The following SNX13 variants were observed in gnomAD, a reference collection of about 807,000 sequenced individuals.
SNX13 encodes the protein sorting nexin-13.
In SNX13, 45 loss-of-function variants were observed where a neutral mutation model predicts 133.6. The ratio of observed to expected loss-of-function variants is 0.34; its 90% CI spans 0.27 to 0.43. The LOEUF (loss-of-function observed/expected upper bound fraction) is 0.43, where lower values mean the gene tolerates loss of function less well. SNX13 is among the 20% of genes least tolerant of loss of function. The probability of loss-of-function intolerance (pLI) is 1.00; values close to 1 mark genes in which losing one functional copy is unlikely to be tolerated. For synonymous variants in SNX13, 414 were observed against 373.9 expected (o/e 1.11, Z -1.24); for missense variants, 1,032 against 1,145.1 (o/e 0.90, Z 1.43).
At chr7:17,862,426 A>G (rs914434218) in intron 9 of SNX13, among the ~76,000 whole-genome samples, 3 of 152,186 alleles carry the variant, frequency 2.0e-5, no homozygotes, top group African/African-American at 7.2e-5. Context: ...ATCCATACTC[A>G]TTGCAAGTGA....
chr7:17,857,032 ACAAT>A (rs1232096735), intron 9 of SNX13, among the ~76,000 whole-genome samples: 2 of 152,064 alleles, frequency 1.3e-5, no homozygotes, highest in Non-Finnish European at 2.9e-5. Flanking sequence ...CAAAAAAAAT[ACAAT>A]CAGAGATGAA....
At chr7:17,912,517 T>A (rs1799094548) in intron 1 of SNX13, among the ~76,000 whole-genome samples, 1 of 151,978 alleles carries the variant, frequency 6.6e-6, no homozygotes, top group Admixed American at 6.6e-5. Context: ...TTCAAGTGAT[T>A]CTCCTGCCTC....
At chr7:17,862,961 T>C (rs931045557) in intron 9 of SNX13, among the ~76,000 whole-genome samples, 3 of 152,104 alleles carry the variant, frequency 2.0e-5, no homozygotes, top group African/African-American at 4.8e-5. Context: ...GACAGTCTCG[T>C]ATTGCCTCCA....
In SNX13 at chr7:17,805,250, T is replaced by TGTGTGTGTGTGTGTGTGCGC; in HGVS notation, c.2065-1671_2065-1670insGCGCACACACACACACACAC. Among the ~76,000 whole-genome samples the TGTGTGTGTGTGTGTGTGCGC allele has an allele frequency of 2.4e-3, 232 of 95,546 alleles. 1 individual carries two copies. Among genetic ancestry groups the TGTGTGTGTGTGTGTGTGCGC allele is most frequent in the Middle Eastern group, 0.015 (3 of 206 alleles). The allele number at this position is 95,546 out of a possible 152,430, so 62.7% of individuals were successfully genotyped here. On this transcript the variant is annotated intron_variant, in intron 20 of 25. Coordinates refer to ENST00000428135, the MANE Select transcript of SNX13 (RefSeq NM_015132.5). Reference sequence around the variant, plus strand: ...GTGTGTGTGTGTGTGTGTGTGTGTGTGCGTGCGCGCGCGCGCATGCATGCA... The same window carrying TGTGTGTGTGTGTGTGTGCGC: ...GTGTGTGTGTGTGTGTGTGTGTGTGTGTGTGTGTGTGTGTGTGCGCGCGTGCGCGCGCGCGCATGCATGCA...
intron 7 of SNX13, among the ~76,000 whole-genome samples, chr7:17,875,265 G>T (rs192950679): frequency 6.6e-6 from 1 of 152,102 alleles, no homozygotes; most frequent in African/African-American, 2.4e-5. Flanking sequence ...ACTGCACCCA[G>T]CCAGGACCAG....
chr7:17,859,861 T>G (rs1792422981), intron 9 of SNX13, among the ~76,000 whole-genome samples: 1 of 152,180 alleles, frequency 6.6e-6, no homozygotes, highest in Non-Finnish European at 1.5e-5. Context: ...GAATAATATT[T>G]TACTGTATGT....
chr7:17,832,534 A>C (rs753826610), intron 15 of SNX13: 18 of 958,946 alleles, frequency 1.9e-5, no homozygotes, highest in Non-Finnish European at 2.2e-5. Context: ...ATAAACAACA[A>C]AAACTTTTAT....
In SNX13 at chr7:17,834,195, T is replaced by C. The variant is rs564530989; in HGVS notation, c.1465-11A>G. 3.9e-6 allele frequency: 6 copies of C among 1,541,344 alleles called. No homozygotes were observed. The Admixed American group carries it at 7.5e-5, about 19-fold the overall frequency. On this transcript the variant is annotated splice_polypyrimidine_tract_variant and intron_variant, in intron 14 of 25. Coordinates refer to ENST00000428135, the MANE Select transcript of SNX13 (RefSeq NM_015132.5). Reference sequence around the variant, plus strand: ...CATCAATTCATATACCTTGGTGAAATAAATCAAGATATTCAACAATTAATA... The same window carrying C: ...CATCAATTCATATACCTTGGTGAAACAAATCAAGATATTCAACAATTAATA...
intron 1 of SNX13, chr7:17,897,976 C>T (rs888059465): frequency 2.0e-5 from 3 of 151,670 alleles, no homozygotes; most frequent in East Asian, 1.9e-4. Flanking sequence ...ACTCAAATTA[C>T]GTATAGAAAC....
At chr7:17,934,257 C>G (rs558833066) in intron 1 of SNX13, among the ~76,000 whole-genome samples, 2 of 152,252 alleles carry the variant, frequency 1.3e-5, no homozygotes, top group African/African-American at 4.8e-5. Context: ...TTCCAGATTA[C>G]AATCAATTGA....
chr7:17,799,600 T>C (rs956882145), intron 22 of SNX13, among the ~76,000 whole-genome samples: 2 of 151,814 alleles, frequency 1.3e-5, no homozygotes, highest in Admixed American at 1.3e-4. Flanking sequence ...GTATTTTGCT[T>C]AGTTAGTAAA....
Position 17,801,627 on chromosome 7 carries a change from G to A in SNX13, c.2259C>T (p.Asp753=), listed in dbSNP as rs775417350. The A allele has an allele frequency of 3.2e-5, 51 of 1,609,060 alleles. No individual in the cohort carries two copies. In the East Asian group the frequency reaches 7.8e-4, roughly 25 times the overall value. Residue 753 remains aspartate (D), a synonymous_variant, in exon 22 of 26, where the codon GAC becomes GAT. Transcript: ENST00000428135. ...GAGCCGAAACTCGGCGATGTTCAGG[G>A]TCTGAATCAGTCTTAGGAATTAAAG... ...VPPLIPKTDS[D]PEHRRVSAQL...
At chr7:17,866,802 G>A (rs1239486907) in intron 9 of SNX13, among the ~76,000 whole-genome samples, 4 of 152,102 alleles carry the variant, frequency 2.6e-5, no homozygotes, top group Non-Finnish European at 5.9e-5. Context: ...AGCACAACAG[G>A]GTGGCTACAG....
At chr7:17,936,871 G>C (rs911263814) in intron 1 of SNX13, among the ~76,000 whole-genome samples, 3 of 150,530 alleles carry the variant, frequency 2.0e-5, no homozygotes, top group Non-Finnish European at 3.0e-5. Context: ...GGGAGAGTGA[G>C]GAGTGAATAT....
Position 17,794,213 on chromosome 7 carries a change from T to C in SNX13, c.2706A>G (p.Gln902=). ...LRVFEMFQHN[Q]LNRRMVYVFL... is the part of the protein sequence containing the mutation. ...AGACATAAACCATTCTCCTATTTAATTGGTTGTGCTGAAACATTTCAAAAA... is the reference window on the plus strand; with the variant it reads ...AGACATAAACCATTCTCCTATTTAACTGGTTGTGCTGAAACATTTCAAAAA... The change falls in exon 26 of 26, where the codon CAA becomes CAG. Residue 902 remains glutamine, a synonymous_variant. Transcript: ENST00000428135. 3.1e-6 allele frequency: 5 copies of C among 1,611,796 alleles called. No individual in the cohort carries two copies. The highest frequency in any genetic ancestry group is 1.7e-4 in the Middle Eastern group (1 of 6,044).
chr7:17,805,255 G>GTGTGTGTGCGCGCGCGCA (rs772458913), intron 20 of SNX13, among the ~76,000 whole-genome samples: 5 of 86,764 alleles, frequency 5.8e-5, no homozygotes, highest in South Asian at 2.9e-4. Flanking sequence ...GTGTGTGCGT[G>GTGTGTGTGCGCGCGCGCA]CGCGCGCGCG....
chr7:17,798,292 T>C (rs1323588443), intron 24 of SNX13, among the ~76,000 whole-genome samples: 6 of 151,900 alleles, frequency 3.9e-5, no homozygotes, highest in South Asian at 4.2e-4. Context: ...AATTACAACA[T>C]AGCCAGAGAG....
chr7:17,887,853 G>A (rs1482553000), intron 5 of SNX13, among the ~76,000 whole-genome samples: 7 of 146,178 alleles, frequency 4.8e-5, no homozygotes, highest in South Asian at 2.2e-4. Context: ...CACTGGATAG[G>A]AAAAAAAAAA....
At chr7:17,892,929 A>T (rs1233522846) in intron 3 of SNX13, among the ~76,000 whole-genome samples, 1 of 152,180 alleles carries the variant, frequency 6.6e-6, no homozygotes, top group Non-Finnish European at 1.5e-5. Context: ...ATCTAATTAC[A>T]AGCTGTATTT....
Sources: gnomAD v4.1 joint callset for allele counts (sites outside exome capture counted in the v4.1 genomes callset) on GRCh38, gnomAD v4.1.1 for gene constraint, MANE v1.5 for transcripts, NCBI Gene and HGNC (gene_info 2026-07-23, HGNC 2026-07-21) for gene names.